Variants in GLRA2 observed in about 807,000 individuals in gnomAD.
The protein encoded by GLRA2 is glycine receptor alpha 2.
A neutral mutation model predicts 31.6 loss-of-function variants in GLRA2; 11 were observed. That is an observed-to-expected ratio of 0.35 (90% CI 0.22 to 0.58). The LOEUF (loss-of-function observed/expected upper bound fraction) is 0.58, where lower values mean the gene tolerates loss of function less well. Ranked by LOEUF, GLRA2 falls within the 20% of genes least tolerant of loss-of-function variation. GLRA2 has a pLI of 0.84. For synonymous variants in GLRA2, 132 were observed against 134.0 expected, an observed-to-expected ratio of 0.99 and a Z score of 0.10; for missense variants, 212 against 351.8, an observed-to-expected ratio of 0.60 and a Z score of 3.18.
intron 2 of GLRA2, among the ~76,000 whole-genome samples, chrX:14,570,219 GT>G (rs2089865047): frequency 8.9e-6 from 1 of 111,772 alleles, no homozygotes; most frequent in Non-Finnish European, 1.9e-5. Context: ...ACTGAATATA[GT>G]TTAAATATAT....
At chrX:14,606,608 A>G (rs1478743962) in intron 5 of GLRA2, among the ~76,000 whole-genome samples, 1 of 111,536 alleles carries the variant, frequency 9.0e-6, no homozygotes, top group Non-Finnish European at 1.9e-5. Context: ...ACTTTAACAT[A>G]AGCTTTCTGA....
Position 14,731,808 on chromosome X carries a change from G to A in GLRA2, c.*1323G>A, listed in dbSNP as rs1038002583. On this transcript the variant is annotated 3_prime_UTR_variant, in exon 9 of 9. Coordinates refer to ENST00000218075, the MANE Select transcript of GLRA2 (RefSeq NM_002063.4). ...CAATTTCAATAAAGCTAAGTGTGCCGCAAACTTCTCTAGAGGCTTTCGTTT... is the reference window on the plus strand; with the variant it reads ...CAATTTCAATAAAGCTAAGTGTGCCACAAACTTCTCTAGAGGCTTTCGTTT... 12 of 111,861 alleles carry A rather than the reference G, an allele frequency of 1.1e-4. No homozygotes were observed. Among genetic ancestry groups the A allele is most frequent in the African/African-American group, 2.9e-4 (9 of 30,780 alleles). The allele number at this position is 111,861 out of a possible 1,213,427, so 9.2% of individuals were successfully genotyped here.
At chrX:14,553,059 C>A (rs936540329) in intron 2 of GLRA2, among the ~76,000 whole-genome samples, 1 of 111,651 alleles carries the variant, frequency 9.0e-6, no homozygotes, top group Non-Finnish European at 1.9e-5. Flanking sequence ...TGAGAGGAGG[C>A]CGTGTGGCTT....
At chrX:14,520,525 T>A in the GLRA2 span, among the ~76,000 whole-genome samples, 1 of 112,583 alleles carries the variant, frequency 8.9e-6, no homozygotes, top group Non-Finnish European at 1.9e-5. Flanking sequence ...TTCAAGCATT[T>A]GACACATTTA....
At chrX:14,580,611 T>G (rs748391494) in intron 3 of GLRA2, among the ~76,000 whole-genome samples, 2 of 112,222 alleles carry the variant, frequency 1.8e-5, no homozygotes, top group South Asian at 7.3e-4. Flanking sequence ...GACAAAATGA[T>G]AAGAATTTCA....
At chrX:14,629,584 C>T (rs911130444) in intron 7 of GLRA2, among the ~76,000 whole-genome samples, 7 of 111,579 alleles carry the variant, frequency 6.3e-5, no homozygotes, top group Admixed American at 1.9e-4. Context: ...TAGACCATTT[C>T]GATTTCCTAT....
the GLRA2 span, among the ~76,000 whole-genome samples, chrX:14,514,192 G>A: frequency 9.1e-6 from 1 of 109,915 alleles, no homozygotes; most frequent in Admixed American, 9.8e-5. Flanking sequence ...TCATAAGTGG[G>A]AGCTAAGCTA....
At chrX:14,727,036 GT>G (rs983409924) in intron 8 of GLRA2, among the ~76,000 whole-genome samples, 1 of 111,880 alleles carries the variant, frequency 8.9e-6, no homozygotes, top group Non-Finnish European at 1.9e-5. Flanking sequence ...ATTTTGAGGG[GT>G]TGTTTCTATT....
At chrX:14,623,760 A>G (rs1471298198) in intron 7 of GLRA2, among the ~76,000 whole-genome samples, 1 of 111,387 alleles carries the variant, frequency 9.0e-6, no homozygotes, top group Non-Finnish European at 1.9e-5. Flanking sequence ...CCAGTATTTT[A>G]TTGAGGATTT....
upstream of GLRA2, among the ~76,000 whole-genome samples, chrX:14,527,810 T>C (rs1354511931): frequency 1.8e-5 from 2 of 111,484 alleles, no homozygotes; most frequent in Non-Finnish European, 1.9e-5. Context: ...ATTGATTTTA[T>C]ATATTTTTTT....
the GLRA2 span, among the ~76,000 whole-genome samples, chrX:14,457,873 C>CTT: frequency 9.4e-5 from 10 of 106,240 alleles, no homozygotes; most frequent in Middle Eastern, 4.8e-3. Flanking sequence ...CGTTTCTTGA[C>CTT]TTTTTTTTTT....
At chrX:14,674,912 G>T (rs972619767) in intron 7 of GLRA2, among the ~76,000 whole-genome samples, 1 of 111,318 alleles carries the variant, frequency 9.0e-6, no homozygotes, top group Non-Finnish European at 1.9e-5. Context: ...TTTCTTCATT[G>T]AGATTGTTTT....
chrX:14,533,972 T>C (rs2089290146), intron 2 of GLRA2, among the ~76,000 whole-genome samples: 1 of 111,570 alleles, frequency 9.0e-6, no homozygotes, highest in Admixed American at 9.6e-5. Context: ...TCTTCTTTCA[T>C]AGCTGTTATT....
At chrX:14,698,820 G>A (rs998571976) in intron 8 of GLRA2, among the ~76,000 whole-genome samples, 1 of 108,751 alleles carries the variant, frequency 9.2e-6, no homozygotes, top group African/African-American at 3.4e-5. Flanking sequence ...AACAAGAGCA[G>A]ATCATCTCCC....
chrX:14,620,585 C>T (rs2090504014), intron 7 of GLRA2, among the ~76,000 whole-genome samples: 1 of 111,354 alleles, frequency 9.0e-6, no homozygotes, highest in Non-Finnish European at 1.9e-5. Flanking sequence ...ACTTAAGAGG[C>T]CATGAACTCC....
At chrX:14,545,889 C>G (rs753170575) in intron 2 of GLRA2, among the ~76,000 whole-genome samples, 27 of 111,426 alleles carry the variant, frequency 2.4e-4, no homozygotes, top group African/African-American at 7.8e-4. Context: ...GAAGTATATA[C>G]AGTGTGTTCC....
intron 2 of GLRA2, among the ~76,000 whole-genome samples, chrX:14,559,448 T>G (rs2089696405): frequency 1.2e-5 from 1 of 84,478 alleles, no homozygotes; most frequent in African/African-American, 4.2e-5. Flanking sequence ...TTTTTTTTTT[T>G]TGAGATGGAG....
chrX:14,644,415 A>G (rs1179767495), intron 7 of GLRA2, among the ~76,000 whole-genome samples: 1 of 111,742 alleles, frequency 8.9e-6, no homozygotes, highest in Non-Finnish European at 1.9e-5. Context: ...GAAGGGGGCA[A>G]TCTAGATATT....
chrX:14,610,317 A>G lies in GLRA2; in HGVS notation c.930+1112A>G, dbSNP rs768953682. On this transcript the variant is annotated intron_variant, in intron 7 of 8. Coordinates refer to ENST00000218075, the MANE Select transcript of GLRA2 (RefSeq NM_002063.4). Reference sequence around the variant, plus strand: ...TGACATATGGAGGAGGTCTGTGGTTATAATAGAGGTGGGCTGAATACTGGA... The same window carrying G: ...TGACATATGGAGGAGGTCTGTGGTTGTAATAGAGGTGGGCTGAATACTGGA... Among the ~76,000 whole-genome samples, 6 of 112,049 alleles carry G rather than the reference A, an allele frequency of 5.4e-5. No homozygotes were observed. In the South Asian group the frequency reaches 1.5e-3, roughly 28 times the overall value.
Sources: allele counts gnomAD v4.1 joint callset (sites outside exome capture counted in the v4.1 genomes callset), GRCh38; gene constraint gnomAD v4.1.1; transcripts MANE v1.5; gene names NCBI Gene and HGNC (gene_info 2026-07-23, HGNC 2026-07-21).